The following CDKAL1 variants were observed in gnomAD, a reference collection of about 807,000 sequenced individuals.
The protein encoded by CDKAL1 is CDKAL1 threonylcarbamoyladenosine tRNA methylthiotransferase.
CDKAL1 carries 32 observed loss-of-function variants against 68.2 expected under a neutral mutation model. That is an observed-to-expected ratio of 0.47 (90% CI 0.35 to 0.63). The LOEUF is 0.63. Ranked by LOEUF, CDKAL1 falls within the 30% of genes least tolerant of loss-of-function variation. CDKAL1 has a pLI of 0.00. For synonymous variants in CDKAL1, 234 were observed against 244.3 expected, an observed-to-expected ratio of 0.96 and a Z score of 0.39; for missense variants, 606 against 696.7, an observed-to-expected ratio of 0.87 and a Z score of 1.47.
chr6:21,001,501 T>A (rs957483699), intron 11 of CDKAL1, among the ~76,000 whole-genome samples: 3 of 152,108 alleles, frequency 2.0e-5, no homozygotes, highest in Admixed American at 1.3e-4. Flanking sequence ...TAAAGCTACT[T>A]AGTGTACATT....
intron 5 of CDKAL1, among the ~76,000 whole-genome samples, chr6:20,704,170 A>AT (rs111471278): frequency 0.015 from 2,285 of 152,188 alleles, 50 homozygotes; most frequent in African/African-American, 0.052. Context: ...CCTTGACTCA[A>AT]TTTTTTTATC....
intron 11 of CDKAL1, among the ~76,000 whole-genome samples, chr6:21,042,843 A>G (rs1342197662): frequency 6.6e-6 from 1 of 152,108 alleles, no homozygotes; most frequent in Non-Finnish European, 1.5e-5. Flanking sequence ...CTATATTACG[A>G]TACTCCCATT....
chr6:20,780,272 A>T (rs1332627945), intron 7 of CDKAL1, among the ~76,000 whole-genome samples: 1 of 152,170 alleles, frequency 6.6e-6, no homozygotes, highest in Non-Finnish European at 1.5e-5. Context: ...AAAAATTACA[A>T]ATGTTTTAAT....
chr6:21,201,261 C>A lies in CDKAL1; in HGVS notation c.1535C>A (p.Ser512Ter). The A allele has an allele frequency of 6.2e-7, 1 of 1,608,782 alleles. No homozygotes were observed. The highest frequency in any genetic ancestry group is 8.5e-7 in the Non-Finnish European group (1 of 1,175,606). The change falls in exon 15 of 16, where the codon TCG (serine) becomes TAG (stop). Residue 512 changes from serine (S) to a stop codon, truncating the protein, a stop_gained. Transcript: ENST00000274695. LOFTEE classifies it low-confidence loss of function (END_TRUNC). ...AAACCGCTAGCAAAGGGAGAAGTCT[C>A]GGGTTTGACAAAGGTAAGTAAAAGA... The part of the protein sequence containing the change: ...ISKPLAKGEV[S>*]GLTKDFRNGL...
At chr6:20,617,942 A>G (rs1766996561) in intron 4 of CDKAL1, among the ~76,000 whole-genome samples, 1 of 152,120 alleles carries the variant, frequency 6.6e-6, no homozygotes, top group South Asian at 2.1e-4. Context: ...CAGTAATGGG[A>G]TCGCTGGGTC....
chr6:20,714,654 G>T (rs1259296882), intron 5 of CDKAL1, among the ~76,000 whole-genome samples: 2 of 151,888 alleles, frequency 1.3e-5, no homozygotes, highest in African/African-American at 4.8e-5. Context: ...CCTGATATGG[G>T]TGACATTTTT....
At chr6:20,785,262 A>G (rs947648725) in intron 8 of CDKAL1, among the ~76,000 whole-genome samples, 4 of 151,126 alleles carry the variant, frequency 2.6e-5, no homozygotes, top group African/African-American at 7.3e-5. Flanking sequence ...GCATTCCCAT[A>G]CGTATTTGTC....
intron 9 of CDKAL1, among the ~76,000 whole-genome samples, chr6:20,901,948 G>A (rs1762004938): frequency 6.6e-6 from 1 of 151,836 alleles, no homozygotes; most frequent in Non-Finnish European, 1.5e-5. Flanking sequence ...AGCTAATTTT[G>A]TATTTTTAGT....
intron 12 of CDKAL1, among the ~76,000 whole-genome samples, chr6:21,094,174 G>C (rs551761799): frequency 1.3e-5 from 2 of 152,138 alleles, no homozygotes; most frequent in African/African-American, 2.4e-5. Flanking sequence ...TACATAAATA[G>C]AGTGGGCAGG....
intron 15 of CDKAL1, among the ~76,000 whole-genome samples, chr6:21,208,958 T>A (rs1240355821): frequency 1.3e-5 from 2 of 152,208 alleles, no homozygotes; most frequent in Admixed American, 1.3e-4. Flanking sequence ...TTAGCTTTCA[T>A]TTCACTTGCA....
intron 11 of CDKAL1, among the ~76,000 whole-genome samples, chr6:21,025,767 C>T (rs1433591146): frequency 1.3e-5 from 2 of 152,090 alleles, no homozygotes; most frequent in Non-Finnish European, 2.9e-5. Flanking sequence ...AGAAAGAAAG[C>T]TTCATTCCAA....
At chr6:21,216,079 A>C (rs2151120538) in intron 15 of CDKAL1, among the ~76,000 whole-genome samples, 1 of 152,310 alleles carries the variant, frequency 6.6e-6, no homozygotes, top group Non-Finnish European at 1.5e-5. Flanking sequence ...AAGCTAGAAA[A>C]GGCAAGGCAA....
At chr6:21,226,162 A>G (rs977518675) in intron 15 of CDKAL1, among the ~76,000 whole-genome samples, 1 of 152,186 alleles carries the variant, frequency 6.6e-6, no homozygotes, top group Non-Finnish European at 1.5e-5. Context: ...TCCTTTCCCC[A>G]ACAATACGTG....
intron 15 of CDKAL1, among the ~76,000 whole-genome samples, chr6:21,202,973 T>C (rs1344241776): frequency 2.6e-5 from 4 of 152,140 alleles, no homozygotes; most frequent in Non-Finnish European, 5.9e-5. Context: ...AATAGTGTTG[T>C]AGCATGAGGC....
chr6:20,928,728 T>C (rs1763292775), intron 9 of CDKAL1, among the ~76,000 whole-genome samples: 1 of 149,870 alleles, frequency 6.7e-6, no homozygotes, highest in Non-Finnish European at 1.5e-5. Context: ...AGACAGGATC[T>C]TGCTATGTTG....
At chr6:21,092,451 T>G (rs1395586680) in intron 12 of CDKAL1, among the ~76,000 whole-genome samples, 1 of 152,040 alleles carries the variant, frequency 6.6e-6, no homozygotes, top group Non-Finnish European at 1.5e-5. Flanking sequence ...TGGTGTGTGT[T>G]GGTCCTCTCC....
At chr6:20,917,666 C>G (rs1561883424) in intron 9 of CDKAL1, among the ~76,000 whole-genome samples, 1 of 152,140 alleles carries the variant, frequency 6.6e-6, no homozygotes, top group Non-Finnish European at 1.5e-5. Context: ...ACCCTTTCCC[C>G]TGAGTCCCCA....
chr6:20,755,772 T>C (rs780964916), intron 6 of CDKAL1, among the ~76,000 whole-genome samples: 5 of 152,212 alleles, frequency 3.3e-5, no homozygotes, highest in Non-Finnish European at 7.3e-5. Flanking sequence ...TACTTGGAGT[T>C]ATTGTTATAA....
At chr6:21,033,398 A>T (rs972625501) in intron 11 of CDKAL1, among the ~76,000 whole-genome samples, 5 of 152,102 alleles carry the variant, frequency 3.3e-5, no homozygotes, top group Admixed American at 6.6e-5. Flanking sequence ...GTTAATGTTG[A>T]CTGAAAGTTT....
Sources: gnomAD v4.1 joint callset for allele counts (sites outside exome capture counted in the v4.1 genomes callset) on GRCh38, gnomAD v4.1.1 for gene constraint, MANE v1.5 for transcripts, NCBI Gene and HGNC (gene_info 2026-07-23, HGNC 2026-07-21) for gene names.